DPP10: variants seen among roughly 807,000 people sequenced by gnomAD.
DPP10 encodes dipeptidyl peptidase like 10.
DPP10 carries 33 observed loss-of-function variants against 120.9 expected under a neutral mutation model. That is an observed-to-expected ratio of 0.27 (90% CI 0.21 to 0.37). The LOEUF (loss-of-function observed/expected upper bound fraction) is 0.37, where lower values mean the gene tolerates loss of function less well. Among genes scored for constraint, DPP10 ranks in the 10% least tolerant of loss-of-function variants. The pLI is 1.00. For synonymous variants in DPP10, 337 were observed against 326.1 expected (o/e 1.03, Z -0.36); for missense variants, 816 against 942.8 (o/e 0.87, Z 1.76).
chr2:115,110,083 C>A (rs537177184), intron 1 of DPP10, among the ~76,000 whole-genome samples: 1 of 152,264 alleles, frequency 6.6e-6, no homozygotes, highest in East Asian at 1.9e-4. Context: ...GTGTAAACAC[C>A]TACCACAGCG....
At chr2:114,699,395 C>T (rs1397456836) in intron 1 of DPP10, among the ~76,000 whole-genome samples, 1 of 152,078 alleles carries the variant, frequency 6.6e-6, no homozygotes, top group Admixed American at 6.6e-5. Context: ...AATGTGGGCA[C>T]TTAAGAGACT....
intron 3 of DPP10, among the ~76,000 whole-genome samples, chr2:115,440,443 T>C (rs1369623899): frequency 1.3e-5 from 2 of 150,110 alleles, no homozygotes; most frequent in Non-Finnish European, 3.0e-5. Context: ...GCTGGTTTAG[T>C]GTTATGCATA....
chr2:114,695,781 G>T (rs1375998991), intron 1 of DPP10, among the ~76,000 whole-genome samples: 1 of 152,018 alleles, frequency 6.6e-6, no homozygotes, highest in East Asian at 1.9e-4. Context: ...AAAATTTAGA[G>T]TACTTCATTC....
At chr2:114,857,697 A>G (rs983292199) in intron 1 of DPP10, among the ~76,000 whole-genome samples, 1 of 152,214 alleles carries the variant, frequency 6.6e-6, no homozygotes, top group Non-Finnish European at 1.5e-5. Context: ...CAAAAACCAC[A>G]ATTACTTTTG....
At chr2:115,520,450 A>G (rs893112566) in intron 4 of DPP10, among the ~76,000 whole-genome samples, 1 of 152,188 alleles carries the variant, frequency 6.6e-6, no homozygotes, top group Admixed American at 6.6e-5. Flanking sequence ...ATCATTCACT[A>G]TCTGTTAAAA....
chr2:115,246,604 A>C (rs888749380), intron 1 of DPP10, among the ~76,000 whole-genome samples: 2 of 152,138 alleles, frequency 1.3e-5, no homozygotes, highest in Non-Finnish European at 2.9e-5. Flanking sequence ...GAAGAGAAAC[A>C]GATGAGCAGT....
At chr2:114,473,542 G>A (rs1680113703) in intron 1 of DPP10, among the ~76,000 whole-genome samples, 1 of 152,166 alleles carries the variant, frequency 6.6e-6, no homozygotes, top group Non-Finnish European at 1.5e-5. Context: ...ATAACCTGAA[G>A]AAATGTAGAT....
intron 1 of DPP10, among the ~76,000 whole-genome samples, chr2:114,807,143 G>A (rs1684804225): frequency 6.6e-6 from 1 of 152,184 alleles, no homozygotes; most frequent in Non-Finnish European, 1.5e-5. Flanking sequence ...GTTGTAAGGT[G>A]AACACTCTAG....
At chr2:115,060,198 A>C (rs1479593950) in intron 1 of DPP10, among the ~76,000 whole-genome samples, 1 of 148,864 alleles carries the variant, frequency 6.7e-6, no homozygotes, top group Non-Finnish European at 1.5e-5. Flanking sequence ...GTGATAAAGA[A>C]ATTTATATAT....
chr2:115,394,998 T>C (rs1170122774), intron 3 of DPP10, among the ~76,000 whole-genome samples: 1 of 152,236 alleles, frequency 6.6e-6, no homozygotes, highest in Non-Finnish European at 1.5e-5. Context: ...CTCCTATCAT[T>C]GTAGACAAAA....
intron 5 of DPP10, among the ~76,000 whole-genome samples, chr2:115,533,025 A>T (rs1485281980): frequency 1.3e-5 from 2 of 151,972 alleles, no homozygotes; most frequent in Non-Finnish European, 2.9e-5. Flanking sequence ...GGAGAAATCA[A>T]TTTTTTTAAA....
At chr2:115,460,491 T>C (rs1342888483) in intron 3 of DPP10, among the ~76,000 whole-genome samples, 1 of 152,206 alleles carries the variant, frequency 6.6e-6, no homozygotes, top group African/African-American at 2.4e-5. Flanking sequence ...TTGTAGGAGT[T>C]TGAAAATGCT....
At chr2:115,601,371 G>GT (rs1175903703) in intron 5 of DPP10, among the ~76,000 whole-genome samples, 1 of 152,118 alleles carries the variant, frequency 6.6e-6, no homozygotes, top group Non-Finnish European at 1.5e-5. Context: ...TATCACTCTT[G>GT]TAACAGCACA....
At chr2:115,494,474 G>C (rs1414869290) in intron 3 of DPP10, among the ~76,000 whole-genome samples, 2 of 151,866 alleles carry the variant, frequency 1.3e-5, no homozygotes, top group Non-Finnish European at 2.9e-5. Flanking sequence ...ATGGATCCTG[G>C]GGCTCTTCAA....
intron 1 of DPP10, among the ~76,000 whole-genome samples, chr2:114,519,440 T>C (rs1273262120): frequency 6.6e-6 from 1 of 152,226 alleles, no homozygotes; most frequent in African/African-American, 2.4e-5. Context: ...TTTGCATACA[T>C]TGATCTAAAA....
At chr2:114,548,727 G>C (rs1443068019) in intron 1 of DPP10, among the ~76,000 whole-genome samples, 1 of 152,154 alleles carries the variant, frequency 6.6e-6, no homozygotes, top group Non-Finnish European at 1.5e-5. Flanking sequence ...CGGGACCTGT[G>C]GGGCAGTAAC....
Position 115,421,146 on chromosome 2 carries a change from A to G in DPP10, c.271+77234A>G, listed in dbSNP as rs2069916866. Among the ~76,000 whole-genome samples, 3 of 151,286 alleles carry G rather than the reference A, an allele frequency of 2.0e-5. No homozygotes were observed. The South Asian group carries it at 6.3e-4, about 32-fold the overall frequency. The stretch of plus-strand genomic sequence containing the variant: ...CTCAATTGCTTTTAATTCACCAATT[A>G]TATATTAAATCTCTACCATATGTTC... On this transcript the variant is annotated intron_variant, in intron 3 of 25. Transcript: ENST00000410059.
intron 3 of DPP10, among the ~76,000 whole-genome samples, chr2:115,386,836 AAATT>A (rs1045235939): frequency 1.3e-5 from 2 of 152,118 alleles, no homozygotes; most frequent in African/African-American, 4.8e-5. Context: ...ACCCTTTAAT[AAATT>A]CATGCTGCAA....
intron 7 of DPP10, among the ~76,000 whole-genome samples, chr2:115,702,491 A>T (rs1260951396): frequency 1.3e-5 from 2 of 152,108 alleles, no homozygotes; most frequent in African/African-American, 4.8e-5. Flanking sequence ...AAACAATGAA[A>T]TTATTATTCA....
Sources: gnomAD v4.1 joint callset for allele counts (sites outside exome capture counted in the v4.1 genomes callset) on GRCh38, gnomAD v4.1.1 for gene constraint, MANE v1.5 for transcripts, NCBI Gene and HGNC (gene_info 2026-07-23, HGNC 2026-07-21) for gene names.